The following AGBL1 variants were observed in gnomAD, a reference collection of about 807,000 sequenced individuals.
AGBL1 encodes cytosolic carboxypeptidase 4.
A neutral mutation model predicts 118.9 loss-of-function variants in AGBL1; 130 were observed. The observed-to-expected ratio is 1.09, with a 90% confidence interval of 0.95 to 1.26. AGBL1 has a LOEUF of 1.26. Among genes scored for constraint, AGBL1 ranks in the 50% most tolerant of loss-of-function variants. AGBL1 has a pLI of 0.00. For missense variants in AGBL1, 1,584 were observed against 1,298.1 expected, an observed-to-expected ratio of 1.22 and a Z score of -3.38; for synonymous variants, 555 against 478.9, an observed-to-expected ratio of 1.16 and a Z score of -2.08.
intron 22 of AGBL1, among the ~76,000 whole-genome samples, chr15:86,687,329 G>A (rs1181458136): frequency 2.0e-5 from 3 of 152,048 alleles, no homozygotes; most frequent in Non-Finnish European, 4.4e-5. Flanking sequence ...ACCTGTTTCT[G>A]TAGCCAACAA....
intron 1 of AGBL1, among the ~76,000 whole-genome samples, chr15:86,134,128 C>T (rs74398507): frequency 0.12 from 17,846 of 152,196 alleles, 1,140 homozygotes; most frequent in Middle Eastern, 0.21. Flanking sequence ...AGACAGAGAG[C>T]GGCTGGTCAC....
chr15:86,257,086 A>G (rs187962919), intron 8 of AGBL1, 68 bp downstream of exon 8: 2 of 1,467,958 alleles, frequency 1.4e-6, no homozygotes, highest in East Asian at 2.3e-5. Flanking sequence ...TCCCAGGAAC[A>G]TGGGTGAAAA....
chr15:86,406,922 A>C (rs1279488381), intron 18 of AGBL1, among the ~76,000 whole-genome samples: 1 of 152,050 alleles, frequency 6.6e-6, no homozygotes, highest in Non-Finnish European at 1.5e-5. Context: ...TATTCTTAGC[A>C]TTTTTTCTGG....
chr15:86,533,510 G>C (rs1447016254), intron 19 of AGBL1, among the ~76,000 whole-genome samples: 187 of 103,270 alleles, frequency 1.8e-3, no homozygotes, highest in African/African-American at 8.8e-3. Context: ...TTACACTGTT[G>C]GTGGGACTGT....
rs77719523 is a variant in AGBL1, at chr15:86,164,476, C to G, written c.488+5450C>G. Among the ~76,000 whole-genome samples the G allele has an allele frequency of 6.6e-5, 10 of 152,296 alleles. No individual in the cohort carries two copies. The East Asian group carries it at 1.7e-3, about 27-fold the overall frequency. ...AGGAAAGCTTGTGATTACTCCACGT[C>G]TCAACACTTTCTGCGGGAGGCTGTC... On this transcript the variant is annotated intron_variant, in intron 5 of 22. Coordinates refer to ENST00000614907, the MANE Select transcript of AGBL1 (RefSeq NM_001386094.1).
chr15:86,901,935 A>G (rs932526950), intron 22 of AGBL1, among the ~76,000 whole-genome samples: 6 of 152,156 alleles, frequency 3.9e-5, no homozygotes, highest in African/African-American at 1.2e-4. Flanking sequence ...TAATATCAAT[A>G]TTAATAATAA....
chr15:87,026,698 G>A (rs2081730388), intron 24 of AGBL1, among the ~76,000 whole-genome samples: 1 of 152,014 alleles, frequency 6.6e-6, no homozygotes, highest in African/African-American at 2.4e-5. Context: ...CATGTTTATA[G>A]CAGCACAATT....
chr15:86,169,486 G>A (rs953501861), intron 5 of AGBL1, among the ~76,000 whole-genome samples: 4 of 152,230 alleles, frequency 2.6e-5, no homozygotes, highest in African/African-American at 9.6e-5. Flanking sequence ...GTCATCCCTC[G>A]ATATTCATAG....
chr15:86,315,170 G>A (rs748342696), intron 17 of AGBL1, among the ~76,000 whole-genome samples: 30 of 152,082 alleles, frequency 2.0e-4, no homozygotes, highest in Non-Finnish European at 3.7e-4. Flanking sequence ...TAATACCCAG[G>A]GTAACCCGAA....
rs1339817984 is a variant in AGBL1, at chr15:86,288,173, T to C, written c.2221-7082T>C. 5.3e-5 allele frequency among the ~76,000 whole-genome samples: 8 copies of C among 152,286 alleles called. No homozygotes were observed. The East Asian group carries it at 1.5e-3, about 29-fold the overall frequency. On this transcript the variant is annotated intron_variant, in intron 16 of 22. Coordinates refer to ENST00000614907, the MANE Select transcript of AGBL1 (RefSeq NM_001386094.1). Reference sequence around the variant, plus strand: ...CTACATTTAGTCTAGATTTTGATAATAAAGAATACTGAGAGCAGCTGTCAC... The same window carrying C: ...CTACATTTAGTCTAGATTTTGATAACAAAGAATACTGAGAGCAGCTGTCAC...
chr15:86,414,672 AT>A (rs932254989), intron 18 of AGBL1, among the ~76,000 whole-genome samples: 14 of 152,220 alleles, frequency 9.2e-5, no homozygotes, highest in African/African-American at 3.4e-4. Context: ...ATGGGAAAAA[AT>A]ATATGCCATT....
At chr15:86,190,165 C>T (rs1348853784) in intron 5 of AGBL1, among the ~76,000 whole-genome samples, 1 of 151,956 alleles carries the variant, frequency 6.6e-6, no homozygotes, top group Non-Finnish European at 1.5e-5. Context: ...AAGTATTATG[C>T]ACCTTAAAAA....
chr15:86,807,540 TA>T (rs2078734830), intron 22 of AGBL1, among the ~76,000 whole-genome samples: 1 of 152,138 alleles, frequency 6.6e-6, no homozygotes, highest in Non-Finnish European at 1.5e-5. Context: ...GAACCTGTTT[TA>T]ATATTACTAC....
intron 6 of AGBL1, among the ~76,000 whole-genome samples, chr15:86,246,180 C>T (rs149782239): frequency 8.3e-4 from 126 of 152,318 alleles, no homozygotes; most frequent in Middle Eastern, 3.4e-3. Flanking sequence ...CCACCACGCC[C>T]GGCCTGTGAT....
At chr15:86,680,621 C>T (rs2085937221) in intron 22 of AGBL1, among the ~76,000 whole-genome samples, 1 of 124,596 alleles carries the variant, frequency 8.0e-6, no homozygotes, top group Non-Finnish European at 1.6e-5. Flanking sequence ...GGCTGGAGTG[C>T]AGTGGGGCAA....
chr15:86,991,941 T>C (rs1295343959), intron 24 of AGBL1, among the ~76,000 whole-genome samples: 1 of 152,188 alleles, frequency 6.6e-6, no homozygotes, highest in African/African-American at 2.4e-5. Flanking sequence ...ACCAGGTACA[T>C]AGTAGATACT....
chr15:86,863,699 A>G (rs1232633343), intron 22 of AGBL1, among the ~76,000 whole-genome samples: 3 of 152,182 alleles, frequency 2.0e-5, no homozygotes, highest in Non-Finnish European at 4.4e-5. Flanking sequence ...CATATTGTAA[A>G]TGTTGGAACA....
intron 6 of AGBL1, among the ~76,000 whole-genome samples, chr15:86,236,100 A>T (rs2078537805): frequency 6.6e-6 from 1 of 152,214 alleles, no homozygotes; most frequent in South Asian, 2.1e-4. Context: ...TTTTTGAAAG[A>T]AATGAATGTT....
Position 86,827,507 on chromosome 15 carries a change from A to G in AGBL1, c.3159-79580A>G, listed in dbSNP as rs1237886219. 3.7e-4 allele frequency among the ~76,000 whole-genome samples: 24 copies of G among 64,580 alleles called. 1 individual carries two copies. The highest frequency in any genetic ancestry group is 1.1e-3 in the African/African-American group (22 of 20,760). 42.4% of individuals were successfully genotyped at this position (64,580 alleles called of 152,430 possible). On this transcript the variant is annotated intron_variant, in intron 22 of 22. Transcript: ENST00000614907. The stretch of plus-strand genomic sequence containing the variant: ...TATGTGTGTATATATATATATATAT[A>G]TATATATATATATAGCCTGTGGTTA...
Sources: allele counts gnomAD v4.1 joint callset (sites outside exome capture counted in the v4.1 genomes callset), GRCh38; gene constraint gnomAD v4.1.1; transcripts MANE v1.5; gene names NCBI Gene and HGNC (gene_info 2026-07-23, HGNC 2026-07-21).